Variants in NF2 observed in about 807,000 individuals in gnomAD.
NF2 encodes the protein merlin.
A neutral mutation model predicts 83.7 loss-of-function variants in NF2; 8 were observed. The ratio of observed to expected loss-of-function variants is 0.10; its 90% confidence interval spans 0.06 to 0.17. The LOEUF (loss-of-function observed/expected upper bound fraction) is 0.17, where lower values mean the gene tolerates loss of function less well. Ranked by LOEUF, NF2 falls within the 10% of genes least tolerant of loss-of-function variation. The pLI, the probability that NF2 is intolerant of heterozygous loss-of-function variation, is 1.00. For missense variants in NF2, 533 were observed against 744.4 expected, an observed-to-expected ratio of 0.72 and a Z score of 3.31; for synonymous variants, 266 against 269.6, an observed-to-expected ratio of 0.99 and a Z score of 0.13.
intron 15 of NF2, among the ~76,000 whole-genome samples, chr22:29,685,403 T>C (rs764064481): frequency 3.9e-4 from 59 of 151,754 alleles, no homozygotes; most frequent in Non-Finnish European, 6.9e-4. Context: ...CCACTGTGCC[T>C]GGCCTGTTTT....
At chr22:29,604,788 A>C (rs886899514) in intron 1 of NF2, among the ~76,000 whole-genome samples, 4 of 152,192 alleles carry the variant, frequency 2.6e-5, no homozygotes, top group African/African-American at 9.7e-5. Context: ...AGCAGTAAGC[A>C]AGGGTTGGCA....
At chr22:29,639,238 G>C (rs1321905740) in intron 3 of NF2, 26 bp downstream of exon 3, 2 of 1,613,738 alleles carry the variant, frequency 1.2e-6, no homozygotes, top group South Asian at 1.1e-5. Context: ...CTACCCCCCA[G>C]TTCTGAGAGA....
intron 11 of NF2, among the ~76,000 whole-genome samples, chr22:29,672,548 G>A (rs1274807199): frequency 2.6e-5 from 4 of 151,598 alleles, no homozygotes; most frequent in Non-Finnish European, 4.4e-5. Context: ...TCCTGACCTC[G>A]TGATCTGCCC....
At position 29,655,444 on chromosome 22, in the gene NF2, C is replaced by T. The variant is rs6006220; in HGVS notation, c.517-150C>T. 0.23 allele frequency: 158,840 copies of T among 682,942 alleles called. 19,873 individuals carry two copies. The highest frequency in any genetic ancestry group is 0.44 in the East Asian group (16,155 of 37,036). 42.3% of individuals were successfully genotyped at this position (682,942 alleles called of 1,614,324 possible). A position where few individuals can be genotyped will look rare whatever the true frequency, so the allele number is the denominator to read the frequency against. On this transcript the variant is annotated intron_variant, in intron 5 of 15. Coordinates refer to ENST00000338641, the MANE Select transcript of NF2 (RefSeq NM_000268.4). Reference sequence around the variant, plus strand: ...CCAATAGAATGGTGCCTTATTTACACGCCCTCTCTCTGTGTGACTATCTCC... The same window carrying T: ...CCAATAGAATGGTGCCTTATTTACATGCCCTCTCTCTGTGTGACTATCTCC...
At chr22:29,655,922 A>C (rs1374285687) in intron 6 of NF2, among the ~76,000 whole-genome samples, 1 of 151,592 alleles carries the variant, frequency 6.6e-6, no homozygotes, top group Non-Finnish European at 1.5e-5. Context: ...ACCTGTACTC[A>C]CTGGTAATTA....
intron 1 of NF2, among the ~76,000 whole-genome samples, chr22:29,635,154 G>A (rs76423034): frequency 0.014 from 2,126 of 152,128 alleles, 41 homozygotes; most frequent in African/African-American, 0.048. Context: ...AGAAGGGATG[G>A]GCTTTCCTGT....
chr22:29,624,901 T>TTCTCTC lies in NF2; in HGVS notation c.115-11834_115-11829dup, dbSNP rs141837477. Among the ~76,000 whole-genome samples, 419 of 143,268 alleles carry TTCTCTC rather than the reference T, an allele frequency of 2.9e-3. 2 individuals carry two copies. Among genetic ancestry groups the TTCTCTC allele is most frequent in the Middle Eastern group, 7.1e-3 (2 of 282 alleles). The allele number at this position is 143,268 out of a possible 152,430, so 94.0% of individuals were successfully genotyped here. A position where few individuals can be genotyped will look rare whatever the true frequency, so the allele number is the denominator to read the frequency against. On this transcript the variant is annotated intron_variant, in intron 1 of 15. Coordinates refer to ENST00000338641, the MANE Select transcript of NF2 (RefSeq NM_000268.4). ...TCTCCTCTTTCTGTCTCTCTCTTCT[T>TTCTCTC]TCTCTCTCTCTCTCTCTCTCTTTCT...
At chr22:29,691,264 G>A (rs996829709) in intron 15 of NF2, among the ~76,000 whole-genome samples, 1 of 152,200 alleles carries the variant, frequency 6.6e-6, no homozygotes, top group Non-Finnish European at 1.5e-5. Context: ...AGGGAGCATG[G>A]ACATTTTTGT....
intron 9 of NF2, among the ~76,000 whole-genome samples, chr22:29,667,174 T>C (rs2066647628): frequency 6.6e-6 from 1 of 152,194 alleles, no homozygotes; most frequent in Non-Finnish European, 1.5e-5. Context: ...ACTTGTATTA[T>C]CAGCCTTTTA....
intron 1 of NF2, among the ~76,000 whole-genome samples, chr22:29,624,861 CTT>C (rs1174937235): frequency 3.6e-4 from 43 of 119,038 alleles, no homozygotes; most frequent in South Asian, 1.1e-3. Flanking sequence ...TTCTTTCTTT[CTT>C]TCTTTCTCTT....
chr22:29,674,394 G>A (rs2066898749), intron 12 of NF2, among the ~76,000 whole-genome samples: 1 of 152,192 alleles, frequency 6.6e-6, no homozygotes, highest in Non-Finnish European at 1.5e-5. Flanking sequence ...TGGGCACAAG[G>A]CCCACTGGTG....
At chr22:29,613,361 C>T (rs1265259853) in intron 1 of NF2, among the ~76,000 whole-genome samples, 1 of 152,146 alleles carries the variant, frequency 6.6e-6, no homozygotes, top group East Asian at 1.9e-4. Flanking sequence ...GAAATCTTGT[C>T]TCTACCAAAA....
Position 29,694,956 on chromosome 22 carries a change from C to T in NF2, c.*154C>T. 1.3e-6 allele frequency: 1 copy of T among 760,846 alleles called. No individual in the cohort carries two copies. The allele number at this position is 760,846 out of a possible 1,614,324, so 47.1% of individuals were successfully genotyped here. On this transcript the variant is annotated 3_prime_UTR_variant, in exon 16 of 16. Coordinates refer to ENST00000338641, the MANE Select transcript of NF2 (RefSeq NM_000268.4). The surrounding 1 kb of genome is among the most constrained non-coding windows in gnomAD (Gnocchi z 4.1). ...CAGCTGAGTGAAGAGCCCAGCCCCT[C>T]TTATGTGCAATTGCCTTGAACTACG...
intron 4 of NF2, among the ~76,000 whole-genome samples, chr22:29,643,554 C>T (rs1169840477): frequency 5.9e-5 from 9 of 152,150 alleles, no homozygotes; most frequent in Non-Finnish European, 1.3e-4. Flanking sequence ...CGCCCTTAAT[C>T]CATTTAACCC....
intron 1 of NF2, among the ~76,000 whole-genome samples, chr22:29,630,380 CAA>C (rs1453447569): frequency 6.6e-6 from 1 of 151,768 alleles, no homozygotes; most frequent in South Asian, 2.1e-4. Flanking sequence ...CCAGCTCCTA[CAA>C]AAAAAATAGC....
chr22:29,607,728 A>G (rs1411970695), intron 1 of NF2, among the ~76,000 whole-genome samples: 1 of 152,170 alleles, frequency 6.6e-6, no homozygotes, highest in African/African-American at 2.4e-5. Flanking sequence ...GCCTATATAT[A>G]TATTCACAGT....
chr22:29,613,835 C>T (rs2065016125), intron 1 of NF2, among the ~76,000 whole-genome samples: 2 of 151,558 alleles, frequency 1.3e-5, no homozygotes, highest in South Asian at 4.2e-4. Flanking sequence ...TCTTGGCTCA[C>T]TGCAACCTCC....
intron 15 of NF2, among the ~76,000 whole-genome samples, chr22:29,682,284 G>GTT (rs1376967472): frequency 6.6e-6 from 1 of 152,104 alleles, no homozygotes. Flanking sequence ...CCAGGACCAG[G>GTT]TTAACACCTA....
At chr22:29,677,979 G>A (rs1052130410) in intron 13 of NF2, among the ~76,000 whole-genome samples, 2 of 152,070 alleles carry the variant, frequency 1.3e-5, no homozygotes, top group African/African-American at 4.8e-5. Context: ...TTTGAGGGAT[G>A]ATTTTCCTGG....
Sources: allele counts gnomAD v4.1 joint callset (sites outside exome capture counted in the v4.1 genomes callset), GRCh38; gene constraint gnomAD v4.1.1; non-coding constraint Gnocchi (gnomAD v3.1); transcripts MANE v1.5; gene names NCBI Gene and HGNC (gene_info 2026-07-23, HGNC 2026-07-21).